Variants in INPP4B observed in about 807,000 individuals in gnomAD.
INPP4B encodes the protein inositol polyphosphate 4-phosphatase type II.
A neutral mutation model predicts 122.5 loss-of-function variants in INPP4B; 55 were observed. That is an observed-to-expected ratio of 0.45 (90% CI 0.36 to 0.56). The LOEUF is 0.56. Ranked by LOEUF, INPP4B falls within the 20% of genes least tolerant of loss-of-function variation. INPP4B has a pLI of 0.00. For missense variants in INPP4B, 1,000 were observed against 1,097.7 expected, an observed-to-expected ratio of 0.91 and a Z score of 1.26; for synonymous variants, 403 against 388.7, an observed-to-expected ratio of 1.04 and a Z score of -0.43.
chr4:142,443,707 C>T (rs1030234569), intron 3 of INPP4B, among the ~76,000 whole-genome samples: 3 of 152,032 alleles, frequency 2.0e-5, no homozygotes, highest in Non-Finnish European at 4.4e-5. Flanking sequence ...ATGAACCTCT[C>T]TCAGGTAGAA....
intron 11 of INPP4B, among the ~76,000 whole-genome samples, chr4:142,254,498 G>A (rs1415333095): frequency 6.6e-6 from 1 of 152,078 alleles, no homozygotes; most frequent in African/African-American, 2.4e-5. Flanking sequence ...CCAATACAGA[G>A]AAGTGCTTAA....
At chr4:142,568,162 T>G (rs1472736027) in intron 2 of INPP4B, among the ~76,000 whole-genome samples, 1 of 152,094 alleles carries the variant, frequency 6.6e-6, no homozygotes, top group Non-Finnish European at 1.5e-5. Context: ...TCTTTTTTTT[T>G]TTTCCACTTG....
At chr4:142,801,135 G>C (rs1156744860) in intron 1 of INPP4B, among the ~76,000 whole-genome samples, 1 of 152,082 alleles carries the variant, frequency 6.6e-6, no homozygotes, top group Non-Finnish European at 1.5e-5. Context: ...GAACAGGATA[G>C]TTGCAAAATA....
intron 2 of INPP4B, among the ~76,000 whole-genome samples, chr4:142,576,795 A>T (rs2150181437): frequency 6.6e-6 from 1 of 152,174 alleles, no homozygotes; most frequent in East Asian, 1.9e-4. Flanking sequence ...GGAACAGTTT[A>T]AACATAACAG....
At chr4:142,084,714 A>C (rs139674664) in intron 24 of INPP4B, among the ~76,000 whole-genome samples, 1,589 of 152,282 alleles carry the variant, frequency 0.01, 29 homozygotes, top group African/African-American at 0.037. Context: ...ATATTTTAGA[A>C]ATGTGTGGGA....
intron 1 of INPP4B, among the ~76,000 whole-genome samples, chr4:142,802,345 AAGTAT>A (rs1778107904): frequency 6.6e-6 from 1 of 152,238 alleles, no homozygotes; most frequent in East Asian, 1.9e-4. Context: ...AAGAGAAAAC[AAGTAT>A]GAAGAACAAT....
intron 2 of INPP4B, among the ~76,000 whole-genome samples, chr4:142,495,826 T>C (rs1822480600): frequency 6.6e-6 from 1 of 152,190 alleles, no homozygotes; most frequent in South Asian, 2.1e-4. Context: ...ATTTTGTTAC[T>C]TCTTTGCTGA....
At chr4:142,785,246 T>C (rs1212782062) in intron 1 of INPP4B, among the ~76,000 whole-genome samples, 2 of 152,026 alleles carry the variant, frequency 1.3e-5, no homozygotes, top group Non-Finnish European at 2.9e-5. Context: ...TCCCCCTAAA[T>C]TTACTATTAT....
chr4:142,171,128 A>T (rs1331549728), intron 16 of INPP4B, among the ~76,000 whole-genome samples: 1 of 151,752 alleles, frequency 6.6e-6, no homozygotes, highest in Non-Finnish European at 1.5e-5. Context: ...TGGCTTACCT[A>T]AGAGGAGAGA....
At chr4:142,083,734 CATG>C (rs1288786732) in intron 24 of INPP4B, among the ~76,000 whole-genome samples, 2 of 152,086 alleles carry the variant, frequency 1.3e-5, no homozygotes, top group South Asian at 2.1e-4. Flanking sequence ...AATGTGAGAG[CATG>C]ATGTCTCCAT....
intron 20 of INPP4B, among the ~76,000 whole-genome samples, chr4:142,122,561 T>C (rs1796997978): frequency 6.6e-6 from 1 of 152,084 alleles, no homozygotes; most frequent in Non-Finnish European, 1.5e-5. Context: ...CTGATATCTG[T>C]TGTCTAGAAA....
intron 25 of INPP4B, among the ~76,000 whole-genome samples, chr4:142,058,211 G>A (rs1288550311): frequency 1.3e-5 from 2 of 151,970 alleles, no homozygotes; most frequent in African/African-American, 2.4e-5. Context: ...TTATATCTTA[G>A]TAAATTTCAG....
chr4:142,533,175 T>A (rs1827819970), intron 2 of INPP4B, among the ~76,000 whole-genome samples: 1 of 152,140 alleles, frequency 6.6e-6, no homozygotes, highest in South Asian at 2.1e-4. Context: ...TATAAATATA[T>A]CATCAGTCTC....
intron 7 of INPP4B, among the ~76,000 whole-genome samples, chr4:142,398,376 TAAA>T (rs1183246808): frequency 1.1e-4 from 1 of 8,874 alleles, no homozygotes; most frequent in African/African-American, 4.2e-4. Flanking sequence ...AGACTCTGTC[TAAA>T]AAAAAAAAAA....
intron 2 of INPP4B, among the ~76,000 whole-genome samples, chr4:142,642,065 C>G (rs1750615666): frequency 6.6e-6 from 1 of 152,196 alleles, no homozygotes; most frequent in Non-Finnish European, 1.5e-5. Context: ...TTGATGTCTT[C>G]TTTTGAGAAG....
chr4:142,424,594 A>G (rs1807631758), intron 5 of INPP4B, among the ~76,000 whole-genome samples: 1 of 152,070 alleles, frequency 6.6e-6, no homozygotes, highest in African/African-American at 2.4e-5. Context: ...AAACTTTCAT[A>G]TTCTTTTGTG....
intron 17 of INPP4B, among the ~76,000 whole-genome samples, chr4:142,151,518 T>C (rs1813905833): frequency 6.6e-6 from 1 of 152,220 alleles, no homozygotes; most frequent in South Asian, 2.1e-4. Context: ...CTTGTAACAA[T>C]TAACCACTGT....
intron 1 of INPP4B, among the ~76,000 whole-genome samples, chr4:142,746,512 G>GA (rs1427513207): frequency 1.3e-5 from 2 of 151,920 alleles, no homozygotes; most frequent in South Asian, 2.1e-4. Flanking sequence ...CACAGAATGA[G>GA]AAAAAAATAC....
chr4:142,226,352 C>T (rs1471755150), intron 12 of INPP4B, among the ~76,000 whole-genome samples: 1 of 152,120 alleles, frequency 6.6e-6, no homozygotes, highest in Non-Finnish European at 1.5e-5. Context: ...CACAATAAAC[C>T]AGCTGCCATT....
Sources: gnomAD v4.1 joint callset for allele counts (sites outside exome capture counted in the v4.1 genomes callset) on GRCh38, gnomAD v4.1.1 for gene constraint, MANE v1.5 for transcripts, NCBI Gene and HGNC (gene_info 2026-07-23, HGNC 2026-07-21) for gene names.